TMEM132D: variants seen among roughly 807,000 people sequenced by gnomAD.
The protein encoded by TMEM132D is mature OL transmembrane protein.
Under a neutral mutation model 62.3 loss-of-function variants are expected in TMEM132D, and 21 were observed. The observed-to-expected ratio is 0.34, with a 90% CI of 0.24 to 0.49. The LOEUF (loss-of-function observed/expected upper bound fraction) is 0.49. Ranked by LOEUF, TMEM132D falls within the 20% of genes least tolerant of loss-of-function variation. TMEM132D has a pLI of 0.99. For missense variants in TMEM132D, 1,346 were observed against 1,402.8 expected, an observed-to-expected ratio of 0.96 and a Z score of 0.65; for synonymous variants, 621 against 575.6, an observed-to-expected ratio of 1.08 and a Z score of -1.13.
At chr12:129,236,264 C>T (rs753556150) in intron 4 of TMEM132D, among the ~76,000 whole-genome samples, 28 of 151,698 alleles carry the variant, frequency 1.8e-4, no homozygotes, top group Non-Finnish European at 3.8e-4. Context: ...CGCTTGTTAT[C>T]CCAGCACTTT....
rs372071937 is a variant in TMEM132D at position 129,283,257 on chromosome 12, G to A, written c.1299+54377C>T. Among the ~76,000 whole-genome samples the A allele has an allele frequency of 8.5e-5, 13 of 152,190 alleles. 1 individual carries two copies. The highest frequency in any genetic ancestry group is 2.6e-4 in the Admixed American group (4 of 15,292). ...AGTGACTCTGGTAGAAATTACCTTC[G>A]ACCTTCTCACTGCAACCTCTGCCTC... On this transcript the variant is annotated intron_variant, in intron 4 of 8. Transcript: ENST00000422113.
At position 129,544,599 on chromosome 12, in the gene TMEM132D, T is replaced by C. The variant is rs549785873; in HGVS notation, c.969-13394A>G. 1.3e-3 allele frequency among the ~76,000 whole-genome samples: 192 copies of C among 152,340 alleles called. 1 individual carries two copies. The highest frequency in any genetic ancestry group is 4.5e-3 in the African/African-American group (188 of 41,568). On this transcript the variant is annotated intron_variant, in intron 2 of 8. Transcript: ENST00000422113. ...CATATTTTAATATCTGGTAGGGCTA[T>C]TTTCTTCCTATTGCTTCATTTTCAG... is the stretch of plus-strand genomic sequence containing the variant.
At chr12:129,092,511 AT>A (rs1874959065) in intron 5 of TMEM132D, among the ~76,000 whole-genome samples, 1 of 152,136 alleles carries the variant, frequency 6.6e-6, no homozygotes, top group African/African-American at 2.4e-5. Flanking sequence ...CCCGGCCAAC[AT>A]GGTGAAACCT....
intron 2 of TMEM132D, among the ~76,000 whole-genome samples, chr12:129,692,324 A>G (rs551779373): frequency 6.6e-6 from 1 of 152,352 alleles, no homozygotes; most frequent in East Asian, 1.9e-4. Context: ...TCACAGGCTA[A>G]AGAAGAAAGA....
At chr12:129,535,768 ATTTGTGTGCGTGTG>A (rs997717667) in intron 2 of TMEM132D, among the ~76,000 whole-genome samples, 4 of 60,826 alleles carry the variant, frequency 6.6e-5, no homozygotes, top group African/African-American at 2.9e-4. Flanking sequence ...TTCATTTAAG[ATTTGTGTGCGTGTG>A]TGTGTGTGTG....
intron 1 of TMEM132D, among the ~76,000 whole-genome samples, chr12:129,821,299 G>A (rs1262198633): frequency 2.0e-5 from 3 of 152,142 alleles, no homozygotes; most frequent in Non-Finnish European, 2.9e-5. Flanking sequence ...AGAATTCCAC[G>A]GTGTTGGTGT....
At chr12:129,321,989 T>TA (rs751393095) in intron 4 of TMEM132D, among the ~76,000 whole-genome samples, 14 of 152,180 alleles carry the variant, frequency 9.2e-5, no homozygotes, top group Non-Finnish European at 1.9e-4. Flanking sequence ...GTTCCATGCT[T>TA]AAATCCTGGT....
intron 5 of TMEM132D, among the ~76,000 whole-genome samples, chr12:129,156,889 T>A (rs996583821): frequency 6.6e-6 from 1 of 151,898 alleles, no homozygotes; most frequent in Non-Finnish European, 1.5e-5. Context: ...CTGAGATAAA[T>A]AACCCACTCC....
At chr12:129,772,479 A>G (rs1262831912) in intron 1 of TMEM132D, among the ~76,000 whole-genome samples, 1 of 152,212 alleles carries the variant, frequency 6.6e-6, no homozygotes, top group East Asian at 1.9e-4. Context: ...CATTTTAACT[A>G]CTGAAATCCA....
Position 129,536,578 on chromosome 12 carries a change from C to T in TMEM132D, c.969-5373G>A, listed in dbSNP as rs372715019. 3.3e-4 allele frequency among the ~76,000 whole-genome samples: 50 copies of T among 152,256 alleles called. No homozygotes were observed. The South Asian group carries it at 1.0e-2, about 30-fold the overall frequency. Reference sequence around the variant, plus strand: ...CTTATATGATGAAGCACTTCCAGCCCGATCTGGACGTCTTGGCCCTGCCCT... The same window carrying T: ...CTTATATGATGAAGCACTTCCAGCCTGATCTGGACGTCTTGGCCCTGCCCT... On this transcript the variant is annotated intron_variant, in intron 2 of 8. Coordinates refer to ENST00000422113, the MANE Select transcript of TMEM132D (RefSeq NM_133448.3).
chr12:129,826,870 GA>G (rs200838665), intron 1 of TMEM132D, among the ~76,000 whole-genome samples: 2 of 151,742 alleles, frequency 1.3e-5, no homozygotes, highest in African/African-American at 4.8e-5. Context: ...AGTACAAAAG[GA>G]AAAAAAATCA....
intron 1 of TMEM132D, among the ~76,000 whole-genome samples, chr12:129,799,855 A>G (rs912951109): frequency 6.6e-6 from 1 of 152,146 alleles, no homozygotes; most frequent in African/African-American, 2.4e-5. Flanking sequence ...CTCGCGTGTT[A>G]GACAGCTCTG....
intron 3 of TMEM132D, among the ~76,000 whole-genome samples, chr12:129,445,752 T>C (rs1873077565): frequency 6.6e-6 from 1 of 152,118 alleles, no homozygotes; most frequent in South Asian, 2.1e-4. Flanking sequence ...TAGTCACAGT[T>C]CACAGTATCA....
At chr12:129,365,355 T>G (rs1871898) in intron 3 of TMEM132D, among the ~76,000 whole-genome samples, 59,948 of 151,928 alleles carry the variant, frequency 0.39, 12,503 homozygotes, top group Non-Finnish European at 0.47. Flanking sequence ...TTCTCTTAGG[T>G]GCCTAATCTT....
intron 2 of TMEM132D, among the ~76,000 whole-genome samples, chr12:129,688,370 G>C (rs932272432): frequency 6.6e-6 from 1 of 152,140 alleles, no homozygotes; most frequent in African/African-American, 2.4e-5. Context: ...CACTGCGAGA[G>C]CTTTTTAAAG....
chr12:129,140,319 A>T (rs1876702274), intron 5 of TMEM132D, among the ~76,000 whole-genome samples: 1 of 151,922 alleles, frequency 6.6e-6, no homozygotes, highest in Non-Finnish European at 1.5e-5. Context: ...TGTGTATCAA[A>T]CTATCATGTT....
chr12:129,243,983 G>A (rs1488537554), intron 4 of TMEM132D, among the ~76,000 whole-genome samples: 1 of 152,100 alleles, frequency 6.6e-6, no homozygotes, highest in African/African-American at 2.4e-5. Context: ...GAATCTCAGG[G>A]GGAGGAAGTG....
At chr12:129,302,367 G>A (rs530733278) in intron 4 of TMEM132D, among the ~76,000 whole-genome samples, 23 of 152,324 alleles carry the variant, frequency 1.5e-4, no homozygotes, top group African/African-American at 2.9e-4. Flanking sequence ...CAGCCGCCTC[G>A]GCCTCCCAAA....
chr12:129,824,129 A>C (rs1872601125), intron 1 of TMEM132D, among the ~76,000 whole-genome samples: 1 of 152,154 alleles, frequency 6.6e-6, no homozygotes, highest in Admixed American at 6.5e-5. Flanking sequence ...CAAGAATTCG[A>C]ACCCAGGAAG....
Sources: gnomAD v4.1 joint callset for allele counts (sites outside exome capture counted in the v4.1 genomes callset) on GRCh38, gnomAD v4.1.1 for gene constraint, MANE v1.5 for transcripts, NCBI Gene and HGNC (gene_info 2026-07-23, HGNC 2026-07-21) for gene names.